The following PABPC4L variants were observed in gnomAD, a reference collection of about 807,000 sequenced individuals.
PABPC4L encodes polyadenylate-binding protein 4-like.
For missense variants in PABPC4L, 452 were observed against 451.4 expected (o/e 1.00, Z -0.01); for synonymous variants, 169 against 164.1 (o/e 1.03, Z -0.23).
chr4:134,052,977 T>A, the PABPC4L span, among the ~76,000 whole-genome samples: 2 of 152,118 alleles, frequency 1.3e-5, no homozygotes, highest in Non-Finnish European at 2.9e-5. Context: ...GAAGCATGAC[T>A]GTGATAATTT....
the PABPC4L span, among the ~76,000 whole-genome samples, chr4:133,950,879 A>G: frequency 6.6e-6 from 1 of 152,180 alleles, no homozygotes; most frequent in African/African-American, 2.4e-5. Flanking sequence ...CCCCTGTAAC[A>G]ATTATTTTCC....
the PABPC4L span, among the ~76,000 whole-genome samples, chr4:133,956,523 C>T: frequency 6.6e-6 from 1 of 151,992 alleles, no homozygotes; most frequent in Admixed American, 6.6e-5. Flanking sequence ...ACAACAGAAA[C>T]AGGATGGTCA....
the PABPC4L span, among the ~76,000 whole-genome samples, chr4:134,060,464 A>G: frequency 6.6e-6 from 1 of 151,408 alleles, no homozygotes; most frequent in Non-Finnish European, 1.5e-5. Flanking sequence ...GAGGAAAAGA[A>G]AGAGTAAAGA....
At chr4:133,994,406 T>C in the PABPC4L span, among the ~76,000 whole-genome samples, 2 of 152,136 alleles carry the variant, frequency 1.3e-5, no homozygotes, top group Non-Finnish European at 2.9e-5. Context: ...GGCTAATAGG[T>C]CCTGTCCCCA....
the PABPC4L span, among the ~76,000 whole-genome samples, chr4:134,132,215 G>A: frequency 2.0e-5 from 3 of 151,818 alleles, no homozygotes; most frequent in South Asian, 4.2e-4. Context: ...ATAAATAGAT[G>A]GAATAAATTA....
At chr4:133,991,578 T>C in the PABPC4L span, among the ~76,000 whole-genome samples, 2 of 152,148 alleles carry the variant, frequency 1.3e-5, no homozygotes, top group African/African-American at 2.4e-5. Flanking sequence ...TCTACAAAGG[T>C]AGCTGTTTGT....
At chr4:134,147,196 C>T in the PABPC4L span, among the ~76,000 whole-genome samples, 1 of 152,068 alleles carries the variant, frequency 6.6e-6, no homozygotes, top group East Asian at 1.9e-4. Flanking sequence ...AAAGCAACAA[C>T]TCATAGTTTC....
the PABPC4L span, among the ~76,000 whole-genome samples, chr4:134,018,838 G>T: frequency 6.6e-6 from 1 of 151,934 alleles, no homozygotes; most frequent in African/African-American, 2.4e-5. Flanking sequence ...AACTACAGAT[G>T]GCTTCAAATT....
chr4:134,127,133 C>T, the PABPC4L span, among the ~76,000 whole-genome samples: 4 of 152,016 alleles, frequency 2.6e-5, no homozygotes, highest in Admixed American at 6.6e-5. Flanking sequence ...CAGCAAGCCC[C>T]ACTCAAGGAG....
chr4:134,083,589 T>G, the PABPC4L span, among the ~76,000 whole-genome samples: 8 of 152,186 alleles, frequency 5.3e-5, no homozygotes, highest in African/African-American at 1.9e-4. Context: ...ACAATCTGCA[T>G]TCATTCTGAT....
the PABPC4L span, among the ~76,000 whole-genome samples, chr4:134,000,938 G>A: frequency 3.3e-5 from 5 of 151,946 alleles, no homozygotes; most frequent in Non-Finnish European, 7.4e-5. Flanking sequence ...GAGACTTCTT[G>A]GCTTCCATAA....
At chr4:133,960,972 C>T in the PABPC4L span, among the ~76,000 whole-genome samples, 9 of 152,252 alleles carry the variant, frequency 5.9e-5, no homozygotes, top group Admixed American at 5.2e-4. Context: ...TGGTCTTTCC[C>T]TATCCATCCT....
At chr4:134,073,404 T>C in the PABPC4L span, among the ~76,000 whole-genome samples, 1 of 152,218 alleles carries the variant, frequency 6.6e-6, no homozygotes, top group Non-Finnish European at 1.5e-5. Context: ...GTAGGCTCCA[T>C]GGCCTTGGGC....
the PABPC4L span, among the ~76,000 whole-genome samples, chr4:134,075,417 A>G: frequency 9.7e-4 from 147 of 152,300 alleles, 1 homozygote; most frequent in Admixed American, 3.1e-3. Context: ...GAGTAAATAA[A>G]TAAATTAATT....
At chr4:133,949,957 T>C in the PABPC4L span, among the ~76,000 whole-genome samples, 2 of 152,208 alleles carry the variant, frequency 1.3e-5, no homozygotes, top group Non-Finnish European at 2.9e-5. Flanking sequence ...CTTGAGGTTG[T>C]CCTAATCCTA....
chr4:134,066,791 A>G, the PABPC4L span, among the ~76,000 whole-genome samples: 2 of 152,108 alleles, frequency 1.3e-5, no homozygotes, highest in Admixed American at 6.5e-5. Flanking sequence ...GCATCTATTG[A>G]GATGATCATT....
the PABPC4L span, among the ~76,000 whole-genome samples, chr4:134,179,185 G>T: frequency 1.3e-5 from 2 of 151,996 alleles, no homozygotes; most frequent in Non-Finnish European, 2.9e-5. Context: ...ATCCCATCGG[G>T]CAAACAGCAG....
At chr4:134,040,871 T>C in the PABPC4L span, among the ~76,000 whole-genome samples, 1 of 151,996 alleles carries the variant, frequency 6.6e-6, no homozygotes, top group African/African-American at 2.4e-5. Context: ...GACTTAAATT[T>C]ACAACAACAA....
chr4:134,093,827 T>C, the PABPC4L span, among the ~76,000 whole-genome samples: 1 of 151,612 alleles, frequency 6.6e-6, no homozygotes, highest in Non-Finnish European at 1.5e-5. Context: ...ATTTGAAAGA[T>C]GTATTAATAC....
Sources: gnomAD v4.1 joint callset for allele counts (sites outside exome capture counted in the v4.1 genomes callset) on GRCh38, gnomAD v4.1.1 for gene constraint, MANE v1.5 for transcripts, NCBI Gene and HGNC (gene_info 2026-07-23, HGNC 2026-07-21) for gene names.